RBM10: variants seen among roughly 807,000 people sequenced by gnomAD.
RBM10 encodes the protein RNA binding motif protein 10, also known as RNA-binding protein 10.
Under a neutral mutation model 84.9 loss-of-function variants are expected in RBM10, and 1 was observed. That is an observed-to-expected ratio of 0.01 (90% CI 0.00 to 0.06). RBM10 has a LOEUF of 0.06. RBM10 is among the 10% of genes least tolerant of loss of function. The probability of loss-of-function intolerance (pLI) is 1.00; values close to 1 mark genes in which losing one functional copy is unlikely to be tolerated. For missense variants in RBM10, 438 were observed against 839.0 expected (o/e 0.52, Z 5.90); for synonymous variants, 326 against 344.5 (o/e 0.95, Z 0.60).
Position 47,178,786 on chromosome X carries a change from C to G in RBM10, c.664-317C>G, listed in dbSNP as rs1556777266. 4.5e-5 allele frequency among the ~76,000 whole-genome samples: 5 copies of G among 112,045 alleles called. No individual in the cohort carries two copies. In the Admixed American group the frequency reaches 4.7e-4, roughly 11 times the overall value. ...GGAACCTAATAAAGGGATTGAATAC[C>G]TGAGGCGGGGAACAGTCCTGGGAGT... On this transcript the variant is annotated intron_variant, in intron 7 of 23. Transcript: ENST00000377604.
intron 2 of RBM10, chrX:47,157,448 GTTC>G: frequency 2.7e-6 from 1 of 372,983 alleles, no homozygotes; most frequent in East Asian, 5.5e-5. Flanking sequence ...AAGCCAGGCT[GTTC>G]TTCTCCAGCA....
intron 2 of RBM10, among the ~76,000 whole-genome samples, chrX:47,163,795 C>G (rs1310824244): frequency 9.3e-6 from 1 of 107,811 alleles, no homozygotes; most frequent in Non-Finnish European, 1.9e-5. Context: ...CAGGTTCACG[C>G]CATTGTCCTG....
chrX:47,177,043 C>T (rs1244256341), intron 7 of RBM10, among the ~76,000 whole-genome samples: 2 of 111,765 alleles, frequency 1.8e-5, no homozygotes, highest in African/African-American at 6.5e-5. Context: ...CTTTCCCCAT[C>T]TCTAAAATGT....
intron 2 of RBM10, among the ~76,000 whole-genome samples, chrX:47,167,383 T>C (rs965934400): frequency 2.9e-5 from 3 of 104,870 alleles, no homozygotes; most frequent in African/African-American, 3.4e-5. Flanking sequence ...CATTTCTTTT[T>C]TTTTTTTTTT....
In RBM10 at chrX:47,181,564, G is replaced by C. The variant is rs782131895; in HGVS notation, c.1493G>C (p.Arg498Pro). 1 of 1,210,222 alleles carries C rather than the reference G, an allele frequency of 8.3e-7. No individual in the cohort carries two copies. The highest frequency in any genetic ancestry group is 1.1e-6 in the Non-Finnish European group (1 of 894,932). ...TCTGTGTCGATGCAGGCTTTCTCTCGCGCCCAGCCTGGTGCTGCTCCTGGC... is the reference window on the plus strand; with the variant it reads ...TCTGTGTCGATGCAGGCTTTCTCTCCCGCCCAGCCTGGTGCTGCTCCTGGC... ...ADSVSMQAFSRAQPGAAPGIY... is the reference protein window; with the variant it reads ...ADSVSMQAFSPAQPGAAPGIY... Residue 498 changes from arginine to proline, a missense_variant, in exon 14 of 24, where the codon CGC (arginine) becomes CCC (proline). By Grantham distance (103) the Arg-to-Pro change is moderately radical. This residue lies in a region of RBM10 where 97 missense variants were observed against 110.3 expected (regional missense o/e 0.88). Transcript: ENST00000377604.
intron 5 of RBM10, among the ~76,000 whole-genome samples, chrX:47,173,775 G>A (rs1311700744): frequency 9.3e-6 from 1 of 107,937 alleles, no homozygotes; most frequent in Admixed American, 9.8e-5. Flanking sequence ...GGGTGGTGGT[G>A]GGGGGAGTTG....
At chrX:47,181,714 C>G (rs2147191008) in intron 14 of RBM10, 35 bp from the exon 15 acceptor site, 1 of 1,210,187 alleles carries the variant, frequency 8.3e-7, no homozygotes, top group South Asian at 1.8e-5. Flanking sequence ...TGGGCAGACA[C>G]TGAGCCCTGT....
intron 15 of RBM10, 21 bp from the exon 16 acceptor site, chrX:47,181,930 C>T (rs2147194523): frequency 8.3e-7 from 1 of 1,210,833 alleles, no homozygotes; most frequent in Non-Finnish European, 1.1e-6. Context: ...ATAGTGTGAC[C>T]CCGTTCCCCT....
At chrX:47,157,750 C>T (rs925551129) in intron 2 of RBM10, 4 of 457,615 alleles carry the variant, frequency 8.7e-6, no homozygotes, top group African/African-American at 5.0e-5. Context: ...CCCTGCTCCT[C>T]GATTGGCCGG....
rs1556770981 is a variant in RBM10, at chrX:47,169,464, A to G, written c.167A>G (p.Asp56Gly). ...REYGSQEGKH[D>G]YDDSSEEQSA... ...TATGGCAGCCAGGAGGGCAAGCATG[A>G]CTATGACGACTCATCTGAGGAGCAG... Residue 56 changes from aspartate to glycine, a missense_variant, in exon 3 of 24, where the codon GAC becomes GGC. Physicochemically the swap from Asp to Gly is moderately conservative, Grantham distance 94. Transcript: ENST00000377604. 1 of 1,210,887 alleles carries G rather than the reference A, an allele frequency of 8.3e-7. No homozygotes were observed. The highest frequency in any genetic ancestry group is 1.1e-6 in the Non-Finnish European group (1 of 895,062).
chrX:47,152,738 C>T (rs782278414), intron 2 of RBM10, among the ~76,000 whole-genome samples: 71 of 105,451 alleles, frequency 6.7e-4, no homozygotes, highest in African/African-American at 2.4e-3. Flanking sequence ...TGAGCTACCG[C>T]GCCTGGCCCA....
In RBM10 at chrX:47,145,305, G is replaced by A; in HGVS notation, c.-306G>A. 1 of 644,742 alleles carries A rather than the reference G, an allele frequency of 1.6e-6. No homozygotes were observed. The highest frequency in any genetic ancestry group is 2.4e-6 in the Non-Finnish European group (1 of 409,315). The allele number at this position is 644,742 out of a possible 1,213,427, so 53.1% of individuals were successfully genotyped here. On this transcript the variant is annotated 5_prime_UTR_variant, in exon 1 of 24. Coordinates refer to ENST00000377604, the MANE Select transcript of RBM10 (RefSeq NM_005676.5). ...TGACTGTGGCCGGCTGGGAGTAGGC[G>A]GCAGTGAGTTTCCCTGGGAGGGCAG...
intron 2 of RBM10, among the ~76,000 whole-genome samples, chrX:47,149,370 T>C (rs782286753): frequency 1.8e-5 from 2 of 110,496 alleles, no homozygotes; most frequent in Admixed American, 9.7e-5. Flanking sequence ...GTTTTGTTTC[T>C]TTGTTTTGAG....
At chrX:47,157,215 C>T (rs1366855367) in intron 2 of RBM10, 1 of 278,485 alleles carries the variant, frequency 3.6e-6, no homozygotes, top group Non-Finnish European at 6.9e-6. Context: ...AAGATGGATT[C>T]GTGGTCACAT....
At chrX:47,145,636 G>GTTTTT (rs1160810665) in intron 1 of RBM10, 151 bp downstream of exon 1, 6 of 68,594 alleles carry the variant, frequency 8.7e-5, no homozygotes, top group Admixed American at 2.1e-4. Flanking sequence ...TTTTTTTTTG[G>GTTTTT]TTTTTTTTTT....
chrX:47,182,665 A>AG (rs1556780475), intron 17 of RBM10, among the ~76,000 whole-genome samples: 4 of 112,466 alleles, frequency 3.6e-5, no homozygotes, highest in African/African-American at 1.3e-4. Context: ...ACAGGCCATA[A>AG]GGGGGTGGGC....
chrX:47,156,973 C>T (rs1933201067), intron 2 of RBM10: 2 of 254,820 alleles, frequency 7.8e-6, no homozygotes, highest in Admixed American at 9.0e-5. Context: ...CTGCTCACAC[C>T]CTCGTAGGCT....
Position 47,171,063 on chromosome X carries a change from G to T in RBM10, c.237G>T (p.Gln79His). The change falls in exon 4 of 24, where the codon CAG becomes CAT. Residue 79 changes from glutamine to histidine, a missense_variant. Physicochemically the swap from Gln to His is conservative, Grantham distance 24. Coordinates refer to ENST00000377604, the MANE Select transcript of RBM10 (RefSeq NM_005676.5). Reference sequence around the variant, plus strand: ...AGGCCTCCCCGGGCTCCGAGACTCAGCGTAGGCGGCGGCGGCGGCACAGGC... The same window carrying T: ...AGGCCTCCCCGGGCTCCGAGACTCATCGTAGGCGGCGGCGGCGGCACAGGC... ...SYEASPGSET[Q>H]RRRRRRHRHS... The T allele has an allele frequency of 3.3e-6, 4 of 1,211,136 alleles. No homozygotes were observed. Among genetic ancestry groups the T allele is most frequent in the Non-Finnish European group, 4.5e-6 (4 of 895,220 alleles).
chrX:47,173,926 TC>T (rs1569187075), intron 5 of RBM10, among the ~76,000 whole-genome samples: 29 of 99,115 alleles, frequency 2.9e-4, no homozygotes, highest in Non-Finnish European at 5.0e-4. Flanking sequence ...TCTCTCTCTC[TC>T]TCTCTCTTTC....
Sources: allele counts gnomAD v4.1 joint callset (sites outside exome capture counted in the v4.1 genomes callset), GRCh38; gene constraint gnomAD v4.1.1; regional missense constraint gnomAD v4.1.1; transcripts MANE v1.5; gene names NCBI Gene and HGNC (gene_info 2026-07-23, HGNC 2026-07-21).